LRP1B: variants seen among roughly 807,000 people sequenced by gnomAD.
LRP1B encodes the protein low-density lipoprotein receptor-related protein 1B.
In LRP1B, 217 loss-of-function variants were observed where a neutral mutation model predicts 556.6. The ratio of observed to expected loss-of-function variants is 0.39; its 90% CI spans 0.35 to 0.44. LRP1B has a LOEUF of 0.44. LRP1B is among the 20% of genes least tolerant of loss of function. The pLI, the probability that LRP1B is intolerant of heterozygous loss-of-function variation, is 1.00. For missense variants in LRP1B, 5,053 were observed against 5,620.8 expected, an observed-to-expected ratio of 0.90 and a Z score of 3.23; for synonymous variants, 2,047 against 1,865.8, an observed-to-expected ratio of 1.10 and a Z score of -2.50.
At chr2:141,297,839 T>A (rs1233910808) in intron 3 of LRP1B, among the ~76,000 whole-genome samples, 1 of 152,212 alleles carries the variant, frequency 6.6e-6, no homozygotes, top group Non-Finnish European at 1.5e-5. Context: ...CTTACCATTG[T>A]GTTACAATTA....
At chr2:140,456,655 A>C (rs1160629121) in intron 61 of LRP1B, 52 bp from the exon 62 acceptor site, 2 of 1,525,226 alleles carry the variant, frequency 1.3e-6, no homozygotes, top group African/African-American at 2.8e-5. Flanking sequence ...CAAGACTAAT[A>C]ATATAACATG....
At chr2:140,658,643 A>G (rs13015529) in intron 41 of LRP1B, among the ~76,000 whole-genome samples, 1 of 152,030 alleles carries the variant, frequency 6.6e-6, no homozygotes, top group East Asian at 1.9e-4. Context: ...TATTGATATG[A>G]CAGTACATTA....
Position 140,766,844 on chromosome 2 carries a change from T to TATATATA in LRP1B, c.5758+2368_5758+2369insTATATAT, listed in dbSNP as rs1491148843. On this transcript the variant is annotated intron_variant, in intron 35 of 90. Coordinates refer to ENST00000389484, the MANE Select transcript of LRP1B (RefSeq NM_018557.3). The stretch of plus-strand genomic sequence containing the variant: ...TAAAATATATATATATATATATATA[T>TATATATA]TATATATATATATATATATATAATA... Among the ~76,000 whole-genome samples the TATATATA allele has an allele frequency of 2.3e-3, 125 of 54,884 alleles. 3 individuals are homozygous for TATATATA. The highest frequency in any genetic ancestry group is 0.013 in the East Asian group (23 of 1,716). The allele number at this position is 54,884 out of a possible 152,430, so 36.0% of individuals were successfully genotyped here.
At chr2:140,592,091 A>G (rs1452246142) in intron 43 of LRP1B, among the ~76,000 whole-genome samples, 4 of 152,176 alleles carry the variant, frequency 2.6e-5, no homozygotes, top group African/African-American at 9.6e-5. Context: ...GACATGTATC[A>G]TTCATTGTAA....
chr2:140,620,924 T>G (rs1683426287), intron 41 of LRP1B, among the ~76,000 whole-genome samples: 1 of 152,142 alleles, frequency 6.6e-6, no homozygotes, highest in African/African-American at 2.4e-5. Context: ...CCCCCAGGAT[T>G]GTTTTAATAG....
intron 2 of LRP1B, among the ~76,000 whole-genome samples, chr2:141,765,700 A>G (rs1361767431): frequency 6.6e-6 from 1 of 152,186 alleles, no homozygotes; most frequent in Non-Finnish European, 1.5e-5. Context: ...CTTTTTCAGC[A>G]CCATCCAAGC....
At chr2:140,812,210 C>T (rs933435427) in intron 32 of LRP1B, among the ~76,000 whole-genome samples, 27 of 152,042 alleles carry the variant, frequency 1.8e-4, no homozygotes, top group Admixed American at 2.6e-4. Flanking sequence ...CATCAGATGC[C>T]AACTTTGACA....
chr2:142,039,276 G>T (rs1703987664), intron 1 of LRP1B, among the ~76,000 whole-genome samples: 1 of 151,442 alleles, frequency 6.6e-6, no homozygotes, highest in African/African-American at 2.4e-5. Flanking sequence ...GCCACAGATG[G>T]CTCCTCCCCA....
At chr2:140,289,785 T>TC (rs1683301629) in intron 84 of LRP1B, among the ~76,000 whole-genome samples, 2 of 151,968 alleles carry the variant, frequency 1.3e-5, no homozygotes, top group Non-Finnish European at 2.9e-5. Context: ...ACATTCTCTA[T>TC]CATTATCACA....
At chr2:141,411,350 T>C (rs1690844226) in intron 3 of LRP1B, among the ~76,000 whole-genome samples, 1 of 152,126 alleles carries the variant, frequency 6.6e-6, no homozygotes, top group African/African-American at 2.4e-5. Flanking sequence ...ATACCTCCAA[T>C]GTTTGTTCTT....
chr2:140,910,809 A>G (rs1287158731), intron 21 of LRP1B, among the ~76,000 whole-genome samples: 2 of 152,012 alleles, frequency 1.3e-5, no homozygotes, highest in Admixed American at 1.3e-4. Flanking sequence ...TTTGACAATA[A>G]TGTAAGAAAC....
At chr2:140,338,374 G>A (rs1026755520) in intron 77 of LRP1B, among the ~76,000 whole-genome samples, 1 of 151,702 alleles carries the variant, frequency 6.6e-6, no homozygotes, top group South Asian at 2.1e-4. Flanking sequence ...ACACTGAAGA[G>A]AGAATAACAA....
chr2:140,664,267 C>T (rs925789332), intron 41 of LRP1B, among the ~76,000 whole-genome samples: 3 of 152,176 alleles, frequency 2.0e-5, no homozygotes, highest in Non-Finnish European at 4.4e-5. Context: ...TGCCAACAGA[C>T]TTGCTCAATG....
chr2:141,482,421 C>T (rs1682952196), intron 2 of LRP1B, among the ~76,000 whole-genome samples: 1 of 151,934 alleles, frequency 6.6e-6, no homozygotes. Flanking sequence ...CCTGTCACCC[C>T]AAATGCACAA....
intron 43 of LRP1B, among the ~76,000 whole-genome samples, chr2:140,549,895 A>G (rs1196291591): frequency 6.6e-6 from 1 of 151,696 alleles, no homozygotes; most frequent in Admixed American, 6.6e-5. Flanking sequence ...TCCGGGGTAC[A>G]TGTGCAGAAC....
At chr2:141,473,061 C>T (rs999208067) in intron 3 of LRP1B, among the ~76,000 whole-genome samples, 2 of 152,162 alleles carry the variant, frequency 1.3e-5, no homozygotes, top group Non-Finnish European at 1.5e-5. Flanking sequence ...GCTGCCCCTT[C>T]TGTCAACATA....
intron 37 of LRP1B, among the ~76,000 whole-genome samples, chr2:140,705,965 A>G (rs565952971): frequency 6.6e-6 from 1 of 152,284 alleles, no homozygotes; most frequent in East Asian, 1.9e-4. Flanking sequence ...AAAGAAATGA[A>G]TGGAATTTGC....
At chr2:141,695,058 T>C (rs1691684132) in intron 2 of LRP1B, among the ~76,000 whole-genome samples, 2 of 152,184 alleles carry the variant, frequency 1.3e-5, no homozygotes, top group South Asian at 2.1e-4. Context: ...TGCCACATTG[T>C]GGAATGATTG....
chr2:140,652,696 G>T (rs920545367), intron 41 of LRP1B, among the ~76,000 whole-genome samples: 1 of 151,884 alleles, frequency 6.6e-6, no homozygotes, highest in Non-Finnish European at 1.5e-5. Flanking sequence ...ACAAAAGAAA[G>T]TTAACAATAT....
Sources: allele counts gnomAD v4.1 joint callset (sites outside exome capture counted in the v4.1 genomes callset), GRCh38; gene constraint gnomAD v4.1.1; transcripts MANE v1.5; gene names NCBI Gene and HGNC (gene_info 2026-07-23, HGNC 2026-07-21).